Variants in INSYN2B observed in about 807,000 individuals in gnomAD.
INSYN2B encodes inhibitory synaptic factor family member 2B.
Under a neutral mutation model 41.2 loss-of-function variants are expected in INSYN2B, and 16 were observed. The ratio of observed to expected loss-of-function variants is 0.39; its 90% CI spans 0.26 to 0.59. The LOEUF is 0.59. Among genes scored for constraint, INSYN2B ranks in the 20% least tolerant of loss-of-function variants. The pLI, the probability that INSYN2B is intolerant of heterozygous loss-of-function variation, is 0.57. For missense variants in INSYN2B, 608 were observed against 646.4 expected (o/e 0.94, Z 0.64); for synonymous variants, 245 against 244.4 (o/e 1.00, Z -0.02).
intron 3 of INSYN2B, among the ~76,000 whole-genome samples, chr5:169,865,039 A>T (rs1371647684): frequency 2.6e-5 from 4 of 152,200 alleles, no homozygotes; most frequent in African/African-American, 9.6e-5. Flanking sequence ...CTACCAATAT[A>T]TTACGTCTTG....
chr5:169,891,995 CAAAA>C (rs571918885), intron 1 of INSYN2B, among the ~76,000 whole-genome samples: 11 of 64,216 alleles, frequency 1.7e-4, no homozygotes, highest in Non-Finnish European at 2.8e-4. Context: ...GATTCCGTCC[CAAAA>C]AAAAAAAAAA....
rs546467004 is a variant in INSYN2B at position 169,916,050 on chromosome 5, A to G, written c.-918-31234T>C. 3.9e-5 allele frequency among the ~76,000 whole-genome samples: 6 copies of G among 152,324 alleles called. 1 individual carries two copies. The South Asian group carries it at 1.2e-3, about 32-fold the overall frequency. On this transcript the variant is annotated intron_variant, in intron 1 of 3. Coordinates refer to ENST00000377365, the MANE Select transcript of INSYN2B (RefSeq NM_001129891.3). ...TCTCATTTTCTCATGTTTAGATTAG[A>G]AGTATGGGAACTCAGAGGGCTGAAT...
chr5:169,889,027 G>A (rs1773136573), intron 1 of INSYN2B, among the ~76,000 whole-genome samples: 1 of 152,240 alleles, frequency 6.6e-6, no homozygotes, highest in Non-Finnish European at 1.5e-5. Flanking sequence ...TCTTCAACTA[G>A]ACTCTAAGCT....
At chr5:169,950,651 C>G (rs1776625191) in intron 1 of INSYN2B, among the ~76,000 whole-genome samples, 1 of 152,182 alleles carries the variant, frequency 6.6e-6, no homozygotes, top group East Asian at 1.9e-4. Context: ...ACTCTTTTCC[C>G]CTATGAAGTA....
chr5:169,909,436 T>C (rs933490005), intron 1 of INSYN2B, among the ~76,000 whole-genome samples: 21 of 152,238 alleles, frequency 1.4e-4, no homozygotes, highest in African/African-American at 4.8e-4. Context: ...TAAAAAAATC[T>C]AAGTTTTTTC....
At chr5:169,885,284 C>G (rs1449924779) in intron 1 of INSYN2B, among the ~76,000 whole-genome samples, 1 of 152,210 alleles carries the variant, frequency 6.6e-6, no homozygotes, top group African/African-American at 2.4e-5. Context: ...AGGCTGGAAC[C>G]ATCTCATTCA....
intron 1 of INSYN2B, among the ~76,000 whole-genome samples, chr5:169,968,273 T>A (rs1777374040): frequency 6.6e-6 from 1 of 152,220 alleles, no homozygotes; most frequent in African/African-American, 2.4e-5. Context: ...CTGGGATAGC[T>A]GAGAAGACCT....
At chr5:169,895,350 C>T (rs980957026) in intron 1 of INSYN2B, among the ~76,000 whole-genome samples, 1 of 152,112 alleles carries the variant, frequency 6.6e-6, no homozygotes, top group African/African-American at 2.4e-5. Context: ...GAGAGAACCA[C>T]CCAGCCTCAA....
intron 1 of INSYN2B, among the ~76,000 whole-genome samples, chr5:169,918,152 T>G (rs763842763): frequency 6.6e-6 from 1 of 152,222 alleles, no homozygotes; most frequent in Non-Finnish European, 1.5e-5. Context: ...TTGGATGGCA[T>G]TTGTTACTAT....
intron 1 of INSYN2B, among the ~76,000 whole-genome samples, chr5:169,885,887 G>T (rs1463428239): frequency 6.6e-6 from 1 of 152,112 alleles, no homozygotes; most frequent in Non-Finnish European, 1.5e-5. Context: ...AAATCCATGA[G>T]GTGCCATTAT....
intron 1 of INSYN2B, among the ~76,000 whole-genome samples, chr5:169,898,596 A>AT (rs1773748703): frequency 6.6e-6 from 1 of 152,192 alleles, no homozygotes; most frequent in South Asian, 2.1e-4. Flanking sequence ...CAATGAAAGA[A>AT]TGACAGTTAA....
chr5:169,883,380 C>A lies in INSYN2B; in HGVS notation c.519G>T (p.Arg173Ser). 2 of 1,551,580 alleles carry A rather than the reference C, an allele frequency of 1.3e-6. No individual in the cohort carries two copies. The highest frequency in any genetic ancestry group is 1.7e-6 in the Non-Finnish European group (2 of 1,146,948). ...RVKVSHAFLP[R>S]VPKVQSNGPV... is the part of the protein sequence containing the mutation. ...GACCATTGCTTTGCACCTTGGGGAC[C>A]CTTGGGAGGAATGCATGGGACACCT... The change falls in exon 2 of 4, where the codon AGG becomes AGT. Residue 173 changes from arginine (R) to serine (S), a missense_variant. Transcript: ENST00000377365.
intron 1 of INSYN2B, among the ~76,000 whole-genome samples, chr5:169,908,351 G>A (rs527895186): frequency 3.9e-5 from 6 of 151,976 alleles, no homozygotes; most frequent in African/African-American, 1.2e-4. Context: ...ATATAATTCT[G>A]ATTACTCACA....
At chr5:169,943,502 CAG>C (rs767142060) in intron 1 of INSYN2B, among the ~76,000 whole-genome samples, 43 of 152,172 alleles carry the variant, frequency 2.8e-4, no homozygotes, top group Non-Finnish European at 5.6e-4. Flanking sequence ...CTTGAGAAAA[CAG>C]AAGGTCCCAC....
intron 1 of INSYN2B, among the ~76,000 whole-genome samples, chr5:169,902,169 C>T (rs1171904597): frequency 1.4e-4 from 22 of 152,168 alleles, no homozygotes; most frequent in Admixed American, 1.4e-3. Context: ...CAAGGAAAGT[C>T]CAGGAGGGGA....
At chr5:169,904,475 G>C (rs538961618) in intron 1 of INSYN2B, among the ~76,000 whole-genome samples, 1 of 152,080 alleles carries the variant, frequency 6.6e-6, no homozygotes, top group Non-Finnish European at 1.5e-5. Context: ...TTTAATGGGG[G>C]TGGTGGGGAA....
At chr5:169,904,454 G>C (rs1010296164) in intron 1 of INSYN2B, among the ~76,000 whole-genome samples, 1 of 152,088 alleles carries the variant, frequency 6.6e-6, no homozygotes, top group Non-Finnish European at 1.5e-5. Flanking sequence ...CTCACTTCTG[G>C]GCAGCTTCCC....
chr5:169,867,192 A>G (rs1362951547), intron 3 of INSYN2B, among the ~76,000 whole-genome samples: 1 of 152,228 alleles, frequency 6.6e-6, no homozygotes, highest in Non-Finnish European at 1.5e-5. Context: ...TCATTCCTCC[A>G]GGGTATGGGC....
At position 169,864,055 on chromosome 5, in the gene INSYN2B, C is replaced by T. The variant is rs193105041; in HGVS notation, c.*218G>A. On this transcript the variant is annotated 3_prime_UTR_variant, in exon 4 of 4. Coordinates refer to ENST00000377365, the MANE Select transcript of INSYN2B (RefSeq NM_001129891.3). ...CTTGGCAAGCGGTCACTCTAGTGTC[C>T]GTGAAGCCCTCAGCAAGCAGTCGCA... Among the ~76,000 whole-genome samples, 40 of 152,228 alleles carry T rather than the reference C, an allele frequency of 2.6e-4. No homozygotes were observed. Among genetic ancestry groups the T allele is most frequent in the African/African-American group, 9.1e-4 (38 of 41,532 alleles).
Sources: gnomAD v4.1 joint callset for allele counts (sites outside exome capture counted in the v4.1 genomes callset) on GRCh38, gnomAD v4.1.1 for gene constraint, MANE v1.5 for transcripts, NCBI Gene and HGNC (gene_info 2026-07-23, HGNC 2026-07-21) for gene names.